CLTCL1: variants seen among roughly 807,000 people sequenced by gnomAD.
CLTCL1 encodes the protein clathrin heavy chain like 1.
CLTCL1 carries 159 observed loss-of-function variants against 190.0 expected under a neutral mutation model. The ratio of observed to expected loss-of-function variants is 0.84; its 90% CI spans 0.74 to 0.95. CLTCL1 has a LOEUF of 0.95. Among genes scored for constraint, CLTCL1 ranks in the 40% least tolerant of loss-of-function variants. CLTCL1 has a pLI of 0.00. For synonymous variants in CLTCL1, 752 were observed against 769.6 expected (o/e 0.98, Z 0.38); for missense variants, 1,878 against 2,033.4 (o/e 0.92, Z 1.47).
At chr22:19,220,074 C>G (rs185779661) in intron 17 of CLTCL1, 67 bp from the exon 18 acceptor site, 1 of 1,601,302 alleles carries the variant, frequency 6.2e-7, no homozygotes, top group Non-Finnish European at 8.5e-7. Context: ...GGAGGACACA[C>G]CCCAATTCGT....
At chr22:19,263,259 ATT>A (rs530354733) in intron 2 of CLTCL1, among the ~76,000 whole-genome samples, 18,222 of 135,454 alleles carry the variant, frequency 0.13, 1,359 homozygotes, top group East Asian at 0.22. Context: ...CACACCCAGA[ATT>A]TTTTTTTTTT....
Position 19,190,978 on chromosome 22 carries a change from G to A in CLTCL1, c.4323+326C>T, listed in dbSNP as rs1360437123. On this transcript the variant is annotated intron_variant, in intron 27 of 32. Transcript: ENST00000427926. ...TTTTTAGTAGAGACGGGGTTTCACC[G>A]TGGTAGCCAGGGTGGTCTCGATCTC... 5.9e-5 allele frequency among the ~76,000 whole-genome samples: 9 copies of A among 151,996 alleles called. 1 individual carries two copies. The highest frequency in any genetic ancestry group is 1.9e-4 in the East Asian group (1 of 5,146).
rs147944143 is a variant in CLTCL1, at chr22:19,225,368, G to A, written c.2128+85C>T. 7.9e-3 allele frequency: 11,172 copies of A among 1,407,096 alleles called. 61 individuals are homozygous for A. Among genetic ancestry groups the A allele is most frequent in the Middle Eastern group, 0.012 (44 of 3,822 alleles). 87.2% of individuals were successfully genotyped at this position (1,407,096 alleles called of 1,614,324 possible). On this transcript the variant is annotated intron_variant, in intron 13 of 32. Transcript: ENST00000427926. ...TCCTGCCTGGCTTTGCAGGAAGGCC[G>A]TCTTAAGGCGGGCAGGTAGGCAGCA...
At chr22:19,217,157 T>C (rs1555949926) in intron 18 of CLTCL1, among the ~76,000 whole-genome samples, 1 of 152,176 alleles carries the variant, frequency 6.6e-6, no homozygotes, top group African/African-American at 2.4e-5. Context: ...TCTGTGGAAT[T>C]TGTAGTAACT....
chr22:19,190,665 G>GA (rs2084467563), intron 27 of CLTCL1, among the ~76,000 whole-genome samples: 1 of 147,936 alleles, frequency 6.8e-6, no homozygotes, highest in South Asian at 2.2e-4. Flanking sequence ...GACAAAATTT[G>GA]AAATATTGTG....
intron 22 of CLTCL1, chr22:19,207,524 G>C (rs1407596288): frequency 5.0e-6 from 2 of 400,998 alleles, no homozygotes; most frequent in Non-Finnish European, 8.8e-6. Context: ...TTACTTCCTC[G>C]TGTGGCTTGC....
chr22:19,196,283 T>G lies in CLTCL1; in HGVS notation c.4174A>C (p.Lys1392Gln), dbSNP rs782362240. ...CCTCTTACCTTGGTAATGATGTCCT[T>G]GAACTGACCCTCCTTCCAGGCCTCA... ...PTEAWKEGQF[K>Q]DIITKVANVE... The change falls in exon 26 of 33, where the codon AAG (lysine) becomes CAG (glutamine). Residue 1392 changes from lysine (K) to glutamine (Q), a missense_variant. By Grantham distance (53) the Lys-to-Gln change is moderately conservative (BLOSUM62 1). Transcript: ENST00000427926. The G allele has an allele frequency of 2.5e-6, 4 of 1,613,566 alleles. No homozygotes were observed. In the East Asian group the frequency reaches 8.9e-5, roughly 36 times the overall value.
chr22:19,247,404 A>AT (rs1333624585), intron 3 of CLTCL1, among the ~76,000 whole-genome samples: 1 of 151,942 alleles, frequency 6.6e-6, no homozygotes, highest in Non-Finnish European at 1.5e-5. Context: ...AATGCATGGG[A>AT]TTTTTTTATT....
At chr22:19,256,165 TCTTTTTA>T (rs2086741857) in intron 2 of CLTCL1, among the ~76,000 whole-genome samples, 1 of 151,820 alleles carries the variant, frequency 6.6e-6, no homozygotes, top group South Asian at 2.1e-4. Flanking sequence ...TTTCTTTCTT[TCTTTTTA>T]ATAGATACAG....
At position 19,199,741 on chromosome 22, in the gene CLTCL1, T is replaced by A; in HGVS notation, c.3866A>T (p.Tyr1289Phe). 1.3e-6 allele frequency: 2 copies of A among 1,585,072 alleles called. No individual in the cohort carries two copies. Among genetic ancestry groups the A allele is most frequent in the South Asian group, 2.3e-5 (2 of 86,274 alleles). Residue 1289 changes from tyrosine (Y) to phenylalanine (F), a missense_variant, in exon 24 of 33, where the codon TAT becomes TTT. By Grantham distance (22) the Tyr-to-Phe change is conservative. Coordinates refer to ENST00000427926, the MANE Select transcript of CLTCL1 (RefSeq NM_007098.4). The stretch of plus-strand genomic sequence containing the variant: ...CAGAGATCATCTGGTCACCTGGTAA[T>A]AGCACATCAGCTCCTCCAGCTCATC... ...HADELEELMC[Y>F]YQDRGYFEEL...
chr22:19,257,661 T>C (rs782590613), intron 2 of CLTCL1: 57 of 500,140 alleles, frequency 1.1e-4, no homozygotes, highest in Non-Finnish European at 1.8e-4. Flanking sequence ...CTCCCAGATC[T>C]CTGTGTCCTG....
Position 19,234,593 on chromosome 22 carries a change from C to A in CLTCL1, c.1083G>T (p.Glu361Asp). Residue 361 changes from glutamate (E) to aspartate (D), a missense_variant, in exon 7 of 33, where the codon GAG becomes GAT. Physicochemically the swap from Glu to Asp is conservative, Grantham distance 45. Transcript: ENST00000427926. ...TATTGAATTTTCTCACAAACAACTT[C>A]TCTGCCCCAGCCAGGTTACTACGAA... is the stretch of plus-strand genomic sequence containing the variant. ...LAVRSNLAGA[E>D]KLFVRKFNTL... 6.2e-7 allele frequency: 1 copy of A among 1,614,062 alleles called. No homozygotes were observed. The highest frequency in any genetic ancestry group is 8.5e-7 in the Non-Finnish European group (1 of 1,179,904).
At chr22:19,256,653 C>G (rs1227794393) in intron 2 of CLTCL1, among the ~76,000 whole-genome samples, 4 of 151,550 alleles carry the variant, frequency 2.6e-5, no homozygotes, top group East Asian at 1.9e-4. Context: ...CCACCATGCC[C>G]AGTCTAATTT....
intron 6 of CLTCL1, 109 bp from the exon 7 acceptor site, chr22:19,234,815 G>A: frequency 5.0e-6 from 5 of 991,854 alleles, no homozygotes; most frequent in Middle Eastern, 5.0e-4. Context: ...TCAGGCGAGT[G>A]TTGAGCACAC....
chr22:19,180,767 C>T lies in CLTCL1; in HGVS notation c.4867G>A (p.Glu1623Lys), dbSNP rs782421095. ...LDALESLRKQ[E>K]EHVTEPAPLV... ...GGGGCAGGCTCTGTCACATGCTCCT[C>T]TTGCTTGCGCAGACTCTCCAAGGCA... is the stretch of plus-strand genomic sequence containing the variant. Residue 1623 changes from glutamate to lysine, a missense_variant, in exon 31 of 33, where the codon GAG becomes AAG. By Grantham distance (56) the Glu-to-Lys change is moderately conservative (BLOSUM62 1). Transcript: ENST00000427926. The T allele has an allele frequency of 4.3e-5, 69 of 1,613,722 alleles. No individual in the cohort carries two copies. The highest frequency in any genetic ancestry group is 5.4e-5 in the Non-Finnish European group (64 of 1,179,834).
intron 2 of CLTCL1, chr22:19,257,670 T>G (rs1332775043): frequency 1.8e-6 from 1 of 542,464 alleles, no homozygotes; most frequent in African/African-American, 2.0e-5. Flanking sequence ...CTCTGTGTCC[T>G]GCTCCACCAG....
At chr22:19,180,865 G>GTTT in intron 30 of CLTCL1, 59 bp from the exon 31 acceptor site, 1 of 1,498,514 alleles carries the variant, frequency 6.7e-7, no homozygotes, top group Non-Finnish European at 9.3e-7. Context: ...CGGCCTCTAG[G>GTTT]TGAAAGTGGA....
At chr22:19,215,988 T>C in intron 19 of CLTCL1, 123 bp downstream of exon 19, 2 of 852,238 alleles carry the variant, frequency 2.3e-6, no homozygotes, top group Non-Finnish European at 3.6e-6. Flanking sequence ...GATTGGCATG[T>C]CTGGGGAGCA....
At chr22:19,202,972 T>C (rs2084944134) in intron 22 of CLTCL1, among the ~76,000 whole-genome samples, 1 of 152,148 alleles carries the variant, frequency 6.6e-6, no homozygotes, top group Non-Finnish European at 1.5e-5. Flanking sequence ...TCTGCACTCA[T>C]CCACTCTGAC....
Sources: gnomAD v4.1 joint callset for allele counts (sites outside exome capture counted in the v4.1 genomes callset) on GRCh38, gnomAD v4.1.1 for gene constraint, MANE v1.5 for transcripts, NCBI Gene and HGNC (gene_info 2026-07-23, HGNC 2026-07-21) for gene names.